The following GPR160 variants were observed in gnomAD, a reference collection of about 807,000 sequenced individuals.
GPR160 encodes G protein-coupled receptor 160, also known as probable G protein-coupled receptor 160.
Under a neutral mutation model 2.6 loss-of-function variants are expected in GPR160, and 2 were observed. The observed-to-expected ratio is 0.77, with a 90% CI of 0.32 to 2.44. GPR160 has a LOEUF of 2.44. Among genes scored for constraint, GPR160 ranks in the 30% most tolerant of loss-of-function variants. GPR160 has a pLI of 0.11. For missense variants in GPR160, 351 were observed against 383.6 expected, an observed-to-expected ratio of 0.91 and a Z score of 0.71; for synonymous variants, 130 against 132.2, an observed-to-expected ratio of 0.98 and a Z score of 0.12.
chr3:170,055,965 CAT>C (rs1047567384), intron 2 of GPR160, among the ~76,000 whole-genome samples: 13 of 152,220 alleles, frequency 8.5e-5, no homozygotes, highest in African/African-American at 2.4e-4. Context: ...CTTCTGTGAG[CAT>C]GTTTGCTAAG....
intron 2 of GPR160, among the ~76,000 whole-genome samples, chr3:170,049,169 C>T (rs1173499095): frequency 1.3e-5 from 2 of 152,208 alleles, no homozygotes; most frequent in African/African-American, 4.8e-5. Context: ...GATCTCATCT[C>T]ATCCCCCTAT....
intron 2 of GPR160, among the ~76,000 whole-genome samples, chr3:170,078,740 C>G (rs1712985231): frequency 6.6e-6 from 1 of 152,232 alleles, no homozygotes; most frequent in East Asian, 1.9e-4. Flanking sequence ...AAAGCCAGAA[C>G]ACGAGCTGTA....
At chr3:170,060,877 T>C (rs2108326490) in intron 2 of GPR160, among the ~76,000 whole-genome samples, 1 of 152,318 alleles carries the variant, frequency 6.6e-6, no homozygotes, top group Admixed American at 6.5e-5. Context: ...ATGGGATATA[T>C]CATCTAGATA....
At chr3:170,054,610 C>G (rs1405942764) in intron 2 of GPR160, among the ~76,000 whole-genome samples, 4 of 152,158 alleles carry the variant, frequency 2.6e-5, no homozygotes, top group South Asian at 2.1e-4. Flanking sequence ...ACCCATTAAA[C>G]AGTAACTCCT....
intron 2 of GPR160, among the ~76,000 whole-genome samples, chr3:170,044,985 G>T (rs1716643803): frequency 6.6e-6 from 1 of 152,164 alleles, no homozygotes; most frequent in African/African-American, 2.4e-5. Flanking sequence ...GGGTCACGGG[G>T]CAAACATTCT....
chr3:170,063,985 G>A (rs896306165), intron 2 of GPR160, among the ~76,000 whole-genome samples: 4 of 151,898 alleles, frequency 2.6e-5, no homozygotes, highest in African/African-American at 9.7e-5. Context: ...CCTGAAACTG[G>A]GCTAATTCTT....
Position 170,065,337 on chromosome 3 carries a change from T to C in GPR160, c.-192-14437T>C, listed in dbSNP as rs141802724. On this transcript the variant is annotated intron_variant, in intron 2 of 3. Transcript: ENST00000355897. ...GTAAATCTTTTGGTATGTTCAAAGA[T>C]ATTTGGAATTTCCACCTTCCTGGAG... Among the ~76,000 whole-genome samples the C allele has an allele frequency of 7.8e-3, 1,192 of 152,346 alleles. 15 individuals are homozygous for C. The highest frequency in any genetic ancestry group is 0.027 in the African/African-American group (1,133 of 41,598).
At chr3:170,067,855 TAGGG>T (rs1712422384) in intron 2 of GPR160, among the ~76,000 whole-genome samples, 1 of 152,196 alleles carries the variant, frequency 6.6e-6, no homozygotes, top group Non-Finnish European at 1.5e-5. Context: ...CCTTGACCAA[TAGGG>T]TTTTCCACAG....
chr3:170,085,213 T>TC lies in GPR160; in HGVS notation c.*224_*225insC, dbSNP rs533116392. On this transcript the variant is annotated 3_prime_UTR_variant, in exon 4 of 4. Coordinates refer to ENST00000355897, the MANE Select transcript of GPR160 (RefSeq NM_014373.3). ...TTTTTATAGTTATTCAGGGACACTA[T>TC]ATTACAAATATTACTTTGTTATTAA... The TC allele has an allele frequency of 4.5e-5, 14 of 311,702 alleles. No homozygotes were observed. The South Asian group carries it at 1.6e-3, about 37-fold the overall frequency. 19.3% of individuals were successfully genotyped at this position (311,702 alleles called of 1,614,324 possible).
intron 2 of GPR160, among the ~76,000 whole-genome samples, chr3:170,058,353 G>T (rs972850449): frequency 6.6e-6 from 1 of 152,154 alleles, no homozygotes; most frequent in Non-Finnish European, 1.5e-5. Flanking sequence ...AATAAGCTAG[G>T]CCAGAAATGG....
intron 2 of GPR160, among the ~76,000 whole-genome samples, chr3:170,049,671 T>C (rs1267447730): frequency 6.6e-6 from 1 of 151,928 alleles, no homozygotes; most frequent in African/African-American, 2.4e-5. Context: ...ACTCTGAGGG[T>C]CACTCTAAGG....
intron 2 of GPR160, among the ~76,000 whole-genome samples, chr3:170,048,378 T>C (rs538679333): frequency 1.6e-4 from 25 of 152,328 alleles, no homozygotes; most frequent in Non-Finnish European, 2.4e-4. Flanking sequence ...AGTTCATCTA[T>C]GTAACCAAAA....
intron 2 of GPR160, among the ~76,000 whole-genome samples, chr3:170,059,094 A>G (rs1244189598): frequency 6.6e-6 from 1 of 152,042 alleles, no homozygotes; most frequent in Admixed American, 6.6e-5. Context: ...GGAACTATAA[A>G]CCAGAAATAA....
chr3:170,051,246 C>T (rs1716944258), intron 2 of GPR160, among the ~76,000 whole-genome samples: 1 of 152,014 alleles, frequency 6.6e-6, no homozygotes, highest in Non-Finnish European at 1.5e-5. Context: ...TTATTAGTTA[C>T]TTATATGTCT....
chr3:170,047,821 T>C (rs1420246752), intron 2 of GPR160, among the ~76,000 whole-genome samples: 2 of 150,682 alleles, frequency 1.3e-5, no homozygotes, highest in East Asian at 1.9e-4. Flanking sequence ...TGGATGGAAC[T>C]GAAGGACATT....
At chr3:170,073,424 T>C (rs1424050430) in intron 2 of GPR160, among the ~76,000 whole-genome samples, 1 of 152,166 alleles carries the variant, frequency 6.6e-6, no homozygotes, top group Non-Finnish European at 1.5e-5. Context: ...ATGAGATTGA[T>C]CTTGGTTTTT....
intron 2 of GPR160, among the ~76,000 whole-genome samples, chr3:170,039,575 A>G (rs1446741886): frequency 2.0e-5 from 3 of 152,134 alleles, no homozygotes; most frequent in African/African-American, 7.2e-5. Context: ...GGGTGTGGTG[A>G]CACGCGCCTG....
intron 2 of GPR160, among the ~76,000 whole-genome samples, chr3:170,043,932 C>G (rs1716574778): frequency 6.6e-6 from 1 of 151,740 alleles, no homozygotes; most frequent in Admixed American, 6.6e-5. Context: ...CAGCCCCCAG[C>G]AACCCCTAAA....
chr3:170,041,961 C>T (rs1001074984), intron 2 of GPR160, among the ~76,000 whole-genome samples: 1 of 152,244 alleles, frequency 6.6e-6, no homozygotes, highest in Admixed American at 6.5e-5. Context: ...AAGGACTTAC[C>T]ACAAATGTGA....
Sources: allele counts gnomAD v4.1 joint callset (sites outside exome capture counted in the v4.1 genomes callset), GRCh38; gene constraint gnomAD v4.1.1; transcripts MANE v1.5; gene names NCBI Gene and HGNC (gene_info 2026-07-23, HGNC 2026-07-21).